DCBLD1: variants seen among roughly 807,000 people sequenced by gnomAD.
DCBLD1 encodes the protein discoidin, CUB and LCCL domain-containing protein 1.
In DCBLD1, 57 loss-of-function variants were observed where a neutral mutation model predicts 71.5. That is an observed-to-expected ratio of 0.80 (90% CI 0.64 to 0.99). The LOEUF (loss-of-function observed/expected upper bound fraction) is 0.99. DCBLD1 is among the 50% of genes least tolerant of loss of function. The pLI, the probability that DCBLD1 is intolerant of heterozygous loss-of-function variation, is 0.00. For missense variants in DCBLD1, 891 were observed against 923.5 expected (o/e 0.96, Z 0.46); for synonymous variants, 380 against 363.8 (o/e 1.04, Z -0.51).
intron 14 of DCBLD1, among the ~76,000 whole-genome samples, chr6:117,554,905 A>C (rs1018288777): frequency 6.6e-6 from 1 of 152,106 alleles, no homozygotes; most frequent in African/African-American, 2.4e-5. Flanking sequence ...AAAAAAAAAA[A>C]AATCTTTTGT....
In DCBLD1 at chr6:117,538,571, TG is replaced by T; in HGVS notation, c.761-48del. ...GATGTGGTACTACTTTTTTTTTTGC[TG>T]TTATTTTATGTCTGTATCTAAAATA... On this transcript the variant is annotated intron_variant, in intron 7 of 14. Coordinates refer to ENST00000338728, the MANE Select transcript of DCBLD1 (RefSeq NM_001366458.2). 2.6e-6 allele frequency: 4 copies of T among 1,555,582 alleles called. No homozygotes were observed. In the Admixed American group the frequency reaches 5.4e-5, roughly 21 times the overall value.
rs117099625 is a variant in DCBLD1, at chr6:117,508,601, C to T, written c.325+4622C>T. 6.4e-3 allele frequency among the ~76,000 whole-genome samples: 977 copies of T among 152,296 alleles called. 3 individuals are homozygous for T. Among genetic ancestry groups the T allele is most frequent in the Non-Finnish European group, 0.011 (750 of 68,026 alleles). ...TTGCCCTCTGGGTAAATTCCATTTC[C>T]AGTCTTGCTGACCAGAATGGACTTA... On this transcript the variant is annotated intron_variant, in intron 2 of 14. Coordinates refer to ENST00000338728, the MANE Select transcript of DCBLD1 (RefSeq NM_001366458.2).
At chr6:117,519,987 A>G (rs1562446754) in intron 3 of DCBLD1, 37 bp downstream of exon 3, 1 of 1,607,244 alleles carries the variant, frequency 6.2e-7, no homozygotes, top group East Asian at 2.2e-5. Context: ...TCTAAATGTT[A>G]TCTGTCTAAG....
At chr6:117,547,653 G>GC (rs1449651244) in intron 14 of DCBLD1, 2 of 743,960 alleles carry the variant, frequency 2.7e-6, no homozygotes, top group Non-Finnish European at 4.8e-6. Context: ...ATGTCCCCAT[G>GC]CCCCAGGACG....
chr6:117,499,959 G>A (rs535083007), intron 1 of DCBLD1, among the ~76,000 whole-genome samples: 17 of 152,200 alleles, frequency 1.1e-4, no homozygotes, highest in African/African-American at 3.1e-4. Flanking sequence ...CGGAGGTTGC[G>A]GTGAGCTGAG....
At chr6:117,513,841 T>C (rs1245034813) in intron 2 of DCBLD1, among the ~76,000 whole-genome samples, 1 of 152,186 alleles carries the variant, frequency 6.6e-6, no homozygotes, top group Non-Finnish European at 1.5e-5. Context: ...CATGTGGGTT[T>C]CCAGTGAAAT....
intron 6 of DCBLD1, among the ~76,000 whole-genome samples, chr6:117,536,646 A>G (rs1778892462): frequency 6.6e-6 from 1 of 152,164 alleles, no homozygotes; most frequent in African/African-American, 2.4e-5. Flanking sequence ...GTGGCCGTGG[A>G]GAGAGAGACA....
At position 117,538,619 on chromosome 6, in the gene DCBLD1, G is replaced by C; in HGVS notation, c.761-1G>C. On this transcript the variant is annotated splice_acceptor_variant, in intron 7 of 14. Transcript: ENST00000338728. LOFTEE classifies it high-confidence loss of function. ...AATATCTTACTGCACTCTTTTTTCA[G>C]GTTGCAGCAGATCCTTGAGTTTTGA... 6.2e-7 allele frequency: 1 copy of C among 1,611,766 alleles called. No homozygotes were observed. The highest frequency in any genetic ancestry group is 8.5e-7 in the Non-Finnish European group (1 of 1,179,340).
chr6:117,520,141 T>G (rs950922987), intron 3 of DCBLD1, among the ~76,000 whole-genome samples, 191 bp downstream of exon 3: 2 of 152,168 alleles, frequency 1.3e-5, no homozygotes, highest in Admixed American at 6.5e-5. Flanking sequence ...GTGTGTCCAA[T>G]CTTTTGGCTT....
intron 14 of DCBLD1, among the ~76,000 whole-genome samples, chr6:117,568,051 T>A (rs988502194): frequency 8.7e-4 from 127 of 145,796 alleles, no homozygotes; most frequent in African/African-American, 3.1e-3. Context: ...AAAAAAAAAT[T>A]AGCTGGCCAT....
At position 117,548,872 on chromosome 6, in the gene DCBLD1, T is replaced by G; in HGVS notation, c.*433T>G. 1 of 1,016,594 alleles carries G rather than the reference T, an allele frequency of 9.8e-7. No homozygotes were observed. 63.0% of individuals were successfully genotyped at this position (1,016,594 alleles called of 1,614,324 possible). ...AATGTATATAAATAGTATGTTCATT[T>G]TTTTCAGTATATTATCTGATACTGT... is the stretch of plus-strand genomic sequence containing the variant. On this transcript the variant is annotated 3_prime_UTR_variant, in exon 15 of 15. Coordinates refer to ENST00000338728, the MANE Select transcript of DCBLD1 (RefSeq NM_001366458.2).
At chr6:117,556,528 A>G (rs1343016796) in intron 14 of DCBLD1, among the ~76,000 whole-genome samples, 1 of 152,178 alleles carries the variant, frequency 6.6e-6, no homozygotes, top group African/African-American at 2.4e-5. Context: ...AGTTCCATCC[A>G]TGTTGCTGCA....
intron 3 of DCBLD1, among the ~76,000 whole-genome samples, chr6:117,520,435 C>T (rs1353245192): frequency 6.6e-6 from 1 of 152,092 alleles, no homozygotes; most frequent in East Asian, 1.9e-4. Context: ...TTTGTGTTCC[C>T]CTCCTGACCC....
At chr6:117,560,246 GAAAT>G (rs1278479615) in intron 14 of DCBLD1, 2 of 170,226 alleles carry the variant, frequency 1.2e-5, no homozygotes, top group African/African-American at 2.4e-5. Flanking sequence ...AGAACTACTA[GAAAT>G]AAATAACAAG....
chr6:117,547,227 C>T (rs1300794885), intron 14 of DCBLD1, among the ~76,000 whole-genome samples: 1 of 152,162 alleles, frequency 6.6e-6, no homozygotes, highest in Non-Finnish European at 1.5e-5. Flanking sequence ...TGCTCTAACG[C>T]GTGGCTAACA....
chr6:117,521,829 C>T (rs1455673454), intron 4 of DCBLD1, among the ~76,000 whole-genome samples: 1 of 152,168 alleles, frequency 6.6e-6, no homozygotes, highest in Non-Finnish European at 1.5e-5. Context: ...ATCTCTGTTG[C>T]TGTTGTAGCA....
chr6:117,536,934 T>C (rs78407538), intron 6 of DCBLD1, among the ~76,000 whole-genome samples: 169 of 152,246 alleles, frequency 1.1e-3, no homozygotes, highest in African/African-American at 3.9e-3. Context: ...CATCTCAGAG[T>C]CCTAGCCCCT....
intron 14 of DCBLD1, among the ~76,000 whole-genome samples, chr6:117,557,399 T>C (rs1436818187): frequency 6.6e-6 from 1 of 152,180 alleles, no homozygotes; most frequent in East Asian, 1.9e-4. Context: ...TATTGCTGGA[T>C]TTTTTCCAAT....
intron 7 of DCBLD1, among the ~76,000 whole-genome samples, chr6:117,538,308 A>G (rs1385828278): frequency 6.6e-6 from 1 of 152,226 alleles, no homozygotes; most frequent in Non-Finnish European, 1.5e-5. Flanking sequence ...CACAGATTGC[A>G]TTTTGTTGAA....
Sources: allele counts gnomAD v4.1 joint callset (sites outside exome capture counted in the v4.1 genomes callset), GRCh38; gene constraint gnomAD v4.1.1; transcripts MANE v1.5; gene names NCBI Gene and HGNC (gene_info 2026-07-23, HGNC 2026-07-21).